The following RABGAP1L variants were observed in gnomAD, a reference collection of about 807,000 sequenced individuals.
RABGAP1L encodes rab GTPase-activating protein 1-like.
In RABGAP1L, 63 loss-of-function variants were observed where a neutral mutation model predicts 137.7. The observed-to-expected ratio is 0.46, with a 90% CI of 0.37 to 0.56. The LOEUF (loss-of-function observed/expected upper bound fraction) is 0.56, where lower values mean the gene tolerates loss of function less well. Ranked by LOEUF, RABGAP1L falls within the 20% of genes least tolerant of loss-of-function variation. The probability of loss-of-function intolerance (pLI) is 0.00; values close to 1 mark genes in which losing one functional copy is unlikely to be tolerated. For synonymous variants in RABGAP1L, 431 were observed against 433.7 expected (o/e 0.99, Z 0.08); for missense variants, 1,095 against 1,244.0 (o/e 0.88, Z 1.80).
intron 13 of RABGAP1L, among the ~76,000 whole-genome samples, chr1:174,620,137 A>G (rs1264049005): frequency 6.6e-6 from 1 of 152,192 alleles, no homozygotes; most frequent in Non-Finnish European, 1.5e-5. Flanking sequence ...TCATAATGGA[A>G]GCCGTTAGAG....
At chr1:174,927,063 A>G (rs1258302827) in intron 19 of RABGAP1L, among the ~76,000 whole-genome samples, 1 of 148,134 alleles carries the variant, frequency 6.8e-6, no homozygotes, top group Non-Finnish European at 1.5e-5. Flanking sequence ...ACAGAATAAG[A>G]CTCCGTCTCA....
chr1:174,377,142 A>G (rs1039475852), intron 12 of RABGAP1L, among the ~76,000 whole-genome samples: 5 of 152,342 alleles, frequency 3.3e-5, no homozygotes, highest in African/African-American at 1.2e-4. Context: ...GAAATCGAAC[A>G]AATTGTGAGC....
At chr1:174,196,601 A>T (rs1667714586) in intron 1 of RABGAP1L, among the ~76,000 whole-genome samples, 1 of 148,382 alleles carries the variant, frequency 6.7e-6, no homozygotes, top group African/African-American at 2.5e-5. Context: ...TCTTTACTGA[A>T]GTTCTAATCT....
At chr1:174,506,463 G>T (rs1042430544) in intron 13 of RABGAP1L, among the ~76,000 whole-genome samples, 5 of 152,042 alleles carry the variant, frequency 3.3e-5, no homozygotes, top group Admixed American at 6.6e-5. Flanking sequence ...ACGTCATTTA[G>T]AAATATATAT....
chr1:174,608,159 C>G (rs1316146163), intron 13 of RABGAP1L, among the ~76,000 whole-genome samples: 1 of 152,170 alleles, frequency 6.6e-6, no homozygotes, highest in African/African-American at 2.4e-5. Context: ...TCATATGTGC[C>G]TAAGTGTGAG....
chr1:174,766,723 C>T (rs933734151), intron 18 of RABGAP1L, among the ~76,000 whole-genome samples: 1 of 152,090 alleles, frequency 6.6e-6, no homozygotes, highest in African/African-American at 2.4e-5. Context: ...ATCCTAAGCC[C>T]CCTGACCATT....
intron 24 of RABGAP1L, among the ~76,000 whole-genome samples, chr1:174,983,254 G>A (rs1434637855): frequency 6.6e-6 from 1 of 151,546 alleles, no homozygotes. Context: ...TTCAGTATGG[G>A]ACTCAGTAGG....
intron 19 of RABGAP1L, among the ~76,000 whole-genome samples, chr1:174,886,327 A>C (rs1374286120): frequency 6.6e-6 from 1 of 152,212 alleles, no homozygotes; most frequent in Non-Finnish European, 1.5e-5. Context: ...CCAATATTAC[A>C]TCAAAACTCA....
intron 14 of RABGAP1L, among the ~76,000 whole-genome samples, chr1:174,644,893 A>G (rs1275802264): frequency 6.6e-6 from 1 of 152,066 alleles, no homozygotes; most frequent in Non-Finnish European, 1.5e-5. Flanking sequence ...CCTCCTTCCC[A>G]TCTGTCCAAA....
chr1:174,616,322 C>G (rs778955493), intron 13 of RABGAP1L, among the ~76,000 whole-genome samples: 1 of 152,220 alleles, frequency 6.6e-6, no homozygotes, highest in Non-Finnish European at 1.5e-5. Context: ...GCTTTTGCTA[C>G]TCCTGTTGTC....
intron 1 of RABGAP1L, among the ~76,000 whole-genome samples, chr1:174,191,361 C>G (rs1251307846): frequency 2.0e-5 from 3 of 152,178 alleles, no homozygotes; most frequent in African/African-American, 7.2e-5. Flanking sequence ...ACACTACATA[C>G]CTGGTTTAGC....
chr1:174,315,048 A>AT (rs1679237181), intron 11 of RABGAP1L, among the ~76,000 whole-genome samples: 2 of 151,946 alleles, frequency 1.3e-5, no homozygotes, highest in Admixed American at 6.6e-5. Flanking sequence ...TTCTTTGTTG[A>AT]TTTTTTTGTC....
chr1:174,353,482 A>G (rs1175154569), intron 11 of RABGAP1L, among the ~76,000 whole-genome samples: 1 of 152,198 alleles, frequency 6.6e-6, no homozygotes, highest in East Asian at 1.9e-4. Context: ...CCCAGGGATT[A>G]CAGTCCTTGT....
At chr1:174,385,704 C>T (rs889848526) in intron 12 of RABGAP1L, among the ~76,000 whole-genome samples, 3 of 152,102 alleles carry the variant, frequency 2.0e-5, no homozygotes, top group African/African-American at 7.2e-5. Context: ...GATAGAAATC[C>T]AGTAAACTAA....
chr1:174,514,726 A>G (rs1662658061), intron 13 of RABGAP1L, among the ~76,000 whole-genome samples: 1 of 152,060 alleles, frequency 6.6e-6, no homozygotes, highest in African/African-American at 2.4e-5. Context: ...TTCACACAGC[A>G]TATTCAATTG....
chr1:174,382,417 T>C (rs1345877390), intron 12 of RABGAP1L, among the ~76,000 whole-genome samples: 1 of 48,528 alleles, frequency 2.1e-5, no homozygotes. Context: ...CCCATCACTT[T>C]CAGGTACACC....
intron 17 of RABGAP1L, among the ~76,000 whole-genome samples, chr1:174,722,756 C>T (rs964086705): frequency 6.6e-6 from 1 of 151,856 alleles, no homozygotes; most frequent in Admixed American, 6.6e-5. Context: ...TGGCCTTTAT[C>T]TCAAGCTTCT....
intron 10 of RABGAP1L, among the ~76,000 whole-genome samples, chr1:174,292,187 C>T (rs1676678185): frequency 6.6e-6 from 1 of 150,686 alleles, no homozygotes. Context: ...ACAGGTACAT[C>T]CATCATGCTT....
At chr1:174,501,529 G>A (rs1407897644) in intron 13 of RABGAP1L, among the ~76,000 whole-genome samples, 1 of 152,068 alleles carries the variant, frequency 6.6e-6, no homozygotes, top group Non-Finnish European at 1.5e-5. Context: ...CTCCTGCTAT[G>A]CCTTCGTAAA....
Sources: gnomAD v4.1 joint callset for allele counts (sites outside exome capture counted in the v4.1 genomes callset) on GRCh38, gnomAD v4.1.1 for gene constraint, MANE v1.5 for transcripts, NCBI Gene and HGNC (gene_info 2026-07-23, HGNC 2026-07-21) for gene names.